LAMC3: variants seen among roughly 807,000 people sequenced by gnomAD.
LAMC3 encodes the protein laminin subunit gamma-3.
In LAMC3, 128 loss-of-function variants were observed where a neutral mutation model predicts 173.8. The ratio of observed to expected loss-of-function variants is 0.74; its 90% CI spans 0.64 to 0.85. The LOEUF (loss-of-function observed/expected upper bound fraction) is 0.85. LAMC3 is among the 40% of genes least tolerant of loss of function. The pLI, the probability that LAMC3 is intolerant of heterozygous loss-of-function variation, is 0.00. For synonymous variants in LAMC3, 897 were observed against 909.1 expected, an observed-to-expected ratio of 0.99 and a Z score of 0.24; for missense variants, 2,022 against 2,156.0, an observed-to-expected ratio of 0.94 and a Z score of 1.23.
Position 131,026,394 on chromosome 9 carries a change from G to A in LAMC3, c.483G>A (p.Gln161=). Residue 161 remains glutamine, a synonymous_variant, in exon 2 of 28, where the codon CAG becomes CAA. Transcript: ENST00000361069. The surrounding 1 kb of genome is among the most constrained non-coding windows in gnomAD (Gnocchi z 4.8). ...SRADGPWEPY[Q]FYSASCQKTY... ...CCGACGGCCCATGGGAGCCCTACCA[G>A]TTCTACAGCGCCTCCTGCCAGAAGA... 6.2e-7 allele frequency: 1 copy of A among 1,614,124 alleles called. No homozygotes were observed. Among genetic ancestry groups the A allele is most frequent in the Non-Finnish European group, 8.5e-7 (1 of 1,180,046 alleles).
chr9:131,049,272 G>A (rs868437438), intron 9 of LAMC3, 142 bp downstream of exon 9: 3 of 693,012 alleles, frequency 4.3e-6, no homozygotes, highest in Non-Finnish European at 8.0e-6. Context: ...GTCTCTCGGA[G>A]CTAACATCAA....
intron 23 of LAMC3, among the ~76,000 whole-genome samples, chr9:131,080,150 A>G (rs1280781728): frequency 6.6e-6 from 1 of 151,240 alleles, no homozygotes; most frequent in Non-Finnish European, 1.5e-5. Flanking sequence ...ATTCTTTTGT[A>G]TTTTTAGTAG....
At position 131,072,811 on chromosome 9, in the gene LAMC3, T is replaced by G; in HGVS notation, c.3393T>G (p.His1131Gln). Residue 1131 changes from histidine to glutamine, a missense_variant, in exon 19 of 28, where the codon CAT becomes CAG. Physicochemically the swap from His to Gln is conservative, Grantham distance 24 (BLOSUM62 0). Coordinates refer to ENST00000361069, the MANE Select transcript of LAMC3 (RefSeq NM_006059.4). ...AGTCCTCGGAAGAGGAGATTCTGCA[T>G]GCAGCTGCCATTCTCGCGTCTCTGG... ...VLESSEEEIL[H>Q]AAAILASLEI... 6.2e-6 allele frequency: 10 copies of G among 1,612,588 alleles called. No individual in the cohort carries two copies. Among genetic ancestry groups the G allele is most frequent in the Non-Finnish European group, 8.5e-6 (10 of 1,179,480 alleles).
intron 12 of LAMC3, 128 bp downstream of exon 12, chr9:131,057,275 G>A (rs1382013859): frequency 1.3e-6 from 1 of 784,394 alleles, no homozygotes; most frequent in Non-Finnish European, 2.2e-6. Context: ...GGCAGTGCGG[G>A]CACTGAGCTT....
At chr9:131,036,709 C>T (rs147070233) in intron 4 of LAMC3, among the ~76,000 whole-genome samples, 49 of 152,344 alleles carry the variant, frequency 3.2e-4, no homozygotes, top group African/African-American at 1.1e-3. Context: ...CTCCCACGGG[C>T]CCCCAGGCAG....
intron 1 of LAMC3, chr9:131,021,349 T>C (rs1043004699): frequency 6.6e-6 from 1 of 152,228 alleles, no homozygotes; most frequent in Non-Finnish European, 1.5e-5. Context: ...CCATAGCGTA[T>C]GCACCATTTC....
rs373038800 is a variant in LAMC3 at position 131,079,328 on chromosome 9, C to T, written c.3927+30C>T. 311 of 1,613,352 alleles carry T rather than the reference C, an allele frequency of 1.9e-4. 1 individual carries two copies. The highest frequency in any genetic ancestry group is 2.4e-4 in the South Asian group (22 of 90,890). On this transcript the variant is annotated intron_variant, in intron 23 of 27. Coordinates refer to ENST00000361069, the MANE Select transcript of LAMC3 (RefSeq NM_006059.4). ...GCTCTTGTGCTTTGAAGCAGGGGAC[C>T]TGGGAGAGGTTGGGGCTACCCTGAA... is the stretch of plus-strand genomic sequence containing the variant.
chr9:131,047,691 C>T (rs1323873590), intron 8 of LAMC3, among the ~76,000 whole-genome samples: 3 of 150,904 alleles, frequency 2.0e-5, no homozygotes, highest in Non-Finnish European at 3.0e-5. Flanking sequence ...GACGAAACCC[C>T]GTCTCTGCTA....
rs1399032553 is a variant in LAMC3, at chr9:131,079,184, G to A, written c.3813G>A (p.Lys1271=). ...CCCGGGCTGAAGACCTGGGCCTGAAGGCGAAGGCCCTGGAGAAGACAGTTG... is the reference window on the plus strand; with the variant it reads ...CCCGGGCTGAAGACCTGGGCCTGAAAGCGAAGGCCCTGGAGAAGACAGTTG... The part of the protein sequence containing the change: ...QKSRAEDLGL[K]AKALEKTVAS... The change falls in exon 23 of 28, where the codon AAG becomes AAA. Residue 1271 remains lysine (K), a synonymous_variant. Transcript: ENST00000361069. 2.5e-6 allele frequency: 4 copies of A among 1,613,844 alleles called. No homozygotes were observed. In the East Asian group the frequency reaches 8.9e-5, roughly 36 times the overall value.
intron 23 of LAMC3, among the ~76,000 whole-genome samples, chr9:131,081,582 C>A (rs554515110): frequency 6.6e-6 from 1 of 152,092 alleles, no homozygotes. Flanking sequence ...GCCATACTCC[C>A]GCCTCAGCCT....
At chr9:131,016,658 G>A (rs1833524420) in intron 1 of LAMC3, among the ~76,000 whole-genome samples, 1 of 152,210 alleles carries the variant, frequency 6.6e-6, no homozygotes, top group Admixed American at 6.5e-5. Flanking sequence ...GAGCCATTCA[G>A]TGCAACAGCT....
At chr9:131,083,136 A>C (rs1830272015) in intron 24 of LAMC3, among the ~76,000 whole-genome samples, 1 of 152,220 alleles carries the variant, frequency 6.6e-6, no homozygotes, top group East Asian at 1.9e-4. Flanking sequence ...GAATTATAAG[A>C]GGTCTTAAGG....
In LAMC3 at chr9:131,077,114, C is replaced by A. The variant is rs1830141817; in HGVS notation, c.3630-73C>A. 6.2e-6 allele frequency: 10 copies of A among 1,600,928 alleles called. No individual in the cohort carries two copies. The East Asian group carries it at 2.2e-4, about 36-fold the overall frequency. On this transcript the variant is annotated intron_variant, in intron 21 of 27. Transcript: ENST00000361069. ...CAGAGGCCTTTGCAAACCAGTGGCT[C>A]CAGCCTGGGGCCCAGACAGGGATGG...
chr9:131,034,691 C>T (rs528683579), intron 3 of LAMC3, among the ~76,000 whole-genome samples: 33 of 152,250 alleles, frequency 2.2e-4, no homozygotes, highest in Non-Finnish European at 4.6e-4. Context: ...TAGGGAGAAG[C>T]TATTGCCTTG....
In LAMC3 at chr9:131,069,658, C is replaced by T. The variant is rs1180659019; in HGVS notation, c.2891-14C>T. On this transcript the variant is annotated splice_polypyrimidine_tract_variant and intron_variant, in intron 16 of 27. Coordinates refer to ENST00000361069, the MANE Select transcript of LAMC3 (RefSeq NM_006059.4). ...CCCTCTAAACCCAGCACGCACTGCCCCTGGCCCCTCTAGCCTGCAGGTGCT... is the reference window on the plus strand; with the variant it reads ...CCCTCTAAACCCAGCACGCACTGCCTCTGGCCCCTCTAGCCTGCAGGTGCT... 1.9e-6 allele frequency: 3 copies of T among 1,596,628 alleles called. No homozygotes were observed. The African/African-American group carries it at 4.0e-5, about 21-fold the overall frequency.
At position 131,085,512 on chromosome 9, in the gene LAMC3, C is replaced by A. The variant is rs761314299; in HGVS notation, c.4031-12C>A. On this transcript the variant is annotated splice_polypyrimidine_tract_variant and intron_variant, in intron 24 of 27. Transcript: ENST00000361069. ...CCCAGTTCCCCTGACCCAGCCTCAG[C>A]CGGGTTTGCAGGAATGAAGCTGCAG... is the stretch of plus-strand genomic sequence containing the variant. 2.5e-6 allele frequency: 4 copies of A among 1,613,526 alleles called. No homozygotes were observed. Among genetic ancestry groups the A allele is most frequent in the Non-Finnish European group, 3.4e-6 (4 of 1,179,888 alleles).
chr9:131,047,321 C>G (rs370422122), intron 8 of LAMC3, among the ~76,000 whole-genome samples: 2 of 151,224 alleles, frequency 1.3e-5, no homozygotes, highest in Non-Finnish European at 2.9e-5. Flanking sequence ...CCCACCACCA[C>G]GCCCAGCTTA....
intron 15 of LAMC3, 72 bp downstream of exon 15, chr9:131,068,303 G>GGA (rs1829977581): frequency 5.3e-6 from 8 of 1,501,348 alleles, no homozygotes; most frequent in Non-Finnish European, 7.3e-6. Context: ...CAGCCCCCAG[G>GGA]GAGGGGCCTG....
At chr9:131,046,258 G>C (rs1320005268) in intron 8 of LAMC3, among the ~76,000 whole-genome samples, 6 of 127,932 alleles carry the variant, frequency 4.7e-5, no homozygotes, top group Non-Finnish European at 9.3e-5. Flanking sequence ...AGTGGTGCAA[G>C]ATTGCACAGC....
Sources: gnomAD v4.1 joint callset for allele counts (sites outside exome capture counted in the v4.1 genomes callset) on GRCh38, gnomAD v4.1.1 for gene constraint, Gnocchi (gnomAD v3.1) non-coding constraint, MANE v1.5 for transcripts, NCBI Gene and HGNC (gene_info 2026-07-23, HGNC 2026-07-21) for gene names.